Variants in SLC39A11 observed in about 807,000 individuals in gnomAD.
SLC39A11 encodes the protein zinc transporter ZIP11.
A neutral mutation model predicts 36.1 loss-of-function variants in SLC39A11; 33 were observed. The ratio of observed to expected loss-of-function variants is 0.91; its 90% CI spans 0.69 to 1.22. The LOEUF is 1.22. Among genes scored for constraint, SLC39A11 ranks in the 50% most tolerant of loss-of-function variants. SLC39A11 has a pLI of 0.00. For missense variants in SLC39A11, 432 were observed against 430.3 expected (o/e 1.00, Z -0.03); for synonymous variants, 166 against 170.3 (o/e 0.97, Z 0.20).
At chr17:72,707,516 C>T (rs1221270149) in intron 7 of SLC39A11, among the ~76,000 whole-genome samples, 1 of 152,120 alleles carries the variant, frequency 6.6e-6, no homozygotes, top group African/African-American at 2.4e-5. Flanking sequence ...CATGTATAGG[C>T]AGGGAGACAC....
intron 5 of SLC39A11, among the ~76,000 whole-genome samples, chr17:72,866,058 G>C (rs1213576618): frequency 6.6e-6 from 1 of 152,196 alleles, no homozygotes; most frequent in Non-Finnish European, 1.5e-5. Context: ...ATCCGTCCAT[G>C]GCCTGTTAGG....
intron 7 of SLC39A11, among the ~76,000 whole-genome samples, chr17:72,681,914 C>G (rs561498223): frequency 1.3e-5 from 2 of 152,272 alleles, no homozygotes; most frequent in East Asian, 1.9e-4. Context: ...ACAGACCTGA[C>G]CTGGTCCATG....
At position 72,667,195 on chromosome 17, in the gene SLC39A11, C is replaced by A. The variant is rs1354909083; in HGVS notation, c.672-17927G>T. On this transcript the variant is annotated intron_variant, in intron 7 of 9. Coordinates refer to ENST00000255559, the MANE Select transcript of SLC39A11 (RefSeq NM_139177.4). The stretch of plus-strand genomic sequence containing the variant: ...TAGGTGAAGAGGCAGGAGCAAGATG[C>A]AGGAAGTTAATAGCCCTGAAGTCTA... Among the ~76,000 whole-genome samples the A allele has an allele frequency of 2.0e-5, 3 of 152,158 alleles. No homozygotes were observed. In the East Asian group the frequency reaches 5.8e-4, roughly 29 times the overall value.
intron 6 of SLC39A11, among the ~76,000 whole-genome samples, chr17:72,809,936 C>A (rs571417625): frequency 1.4e-4 from 21 of 151,940 alleles, no homozygotes; most frequent in African/African-American, 4.1e-4. Flanking sequence ...CAGGCGTGGG[C>A]ACCTATAATC....
chr17:72,911,201 G>C (rs1440556611), intron 5 of SLC39A11, among the ~76,000 whole-genome samples: 1 of 152,016 alleles, frequency 6.6e-6, no homozygotes, highest in Non-Finnish European at 1.5e-5. Context: ...ACACTCATAG[G>C]TGGGAATTGA....
At chr17:72,789,393 A>G (rs889188246) in intron 6 of SLC39A11, among the ~76,000 whole-genome samples, 2 of 152,210 alleles carry the variant, frequency 1.3e-5, no homozygotes, top group Non-Finnish European at 2.9e-5. Context: ...ATGGAGAAGA[A>G]CAATGGAGGC....
chr17:72,995,052 G>C (rs561917198), intron 4 of SLC39A11, among the ~76,000 whole-genome samples: 3 of 152,252 alleles, frequency 2.0e-5, no homozygotes, highest in East Asian at 3.9e-4. Flanking sequence ...TGGACAGAGA[G>C]TTAGATTATA....
rs550913569 is a variant in SLC39A11, at chr17:72,813,958, G to A, written c.601+35676C>T. Among the ~76,000 whole-genome samples, 17 of 152,282 alleles carry A rather than the reference G, an allele frequency of 1.1e-4. No homozygotes were observed. In the South Asian group the frequency reaches 3.1e-3, roughly 28 times the overall value. The stretch of plus-strand genomic sequence containing the variant: ...GATGGGTTAGGAGGCCATGAGAACC[G>A]CTTTCTTGAGAGAGCTGAGCAAGAT... On this transcript the variant is annotated intron_variant, in intron 6 of 9. Transcript: ENST00000255559.
At chr17:72,950,897 A>G (rs2085811372) in intron 4 of SLC39A11, among the ~76,000 whole-genome samples, 1 of 152,090 alleles carries the variant, frequency 6.6e-6, no homozygotes, top group Admixed American at 6.6e-5. Context: ...CATGCTGCTG[A>G]TATCTCTAGT....
intron 5 of SLC39A11, among the ~76,000 whole-genome samples, chr17:72,899,615 G>C (rs1423626050): frequency 6.6e-6 from 1 of 152,252 alleles, no homozygotes; most frequent in Admixed American, 6.5e-5. Flanking sequence ...AACGAACTGG[G>C]GAAAGGAGAC....
intron 6 of SLC39A11, among the ~76,000 whole-genome samples, chr17:72,754,935 A>G (rs1280314106): frequency 3.3e-5 from 5 of 152,240 alleles, no homozygotes; most frequent in African/African-American, 9.6e-5. Context: ...ATGGCCTTCT[A>G]AACACACAAA....
intron 4 of SLC39A11, among the ~76,000 whole-genome samples, chr17:73,008,163 TTG>T (rs770781511): frequency 0.16 from 6,085 of 37,040 alleles, 282 homozygotes; most frequent in Non-Finnish European, 0.37. Flanking sequence ...TGTTTTTTTT[TTG>T]TTTTTTTTTT....
intron 5 of SLC39A11, among the ~76,000 whole-genome samples, chr17:72,860,817 T>C (rs1258061782): frequency 6.6e-6 from 1 of 152,198 alleles, no homozygotes. Flanking sequence ...TTTCTGCCCA[T>C]ACATGTTCAT....
At chr17:72,925,715 G>A (rs1411965003) in intron 5 of SLC39A11, among the ~76,000 whole-genome samples, 1 of 152,234 alleles carries the variant, frequency 6.6e-6, no homozygotes, top group East Asian at 1.9e-4. Context: ...GTGAATGGAT[G>A]TGAACACTCC....
At chr17:73,013,803 T>C (rs1317271334) in intron 4 of SLC39A11, among the ~76,000 whole-genome samples, 1 of 152,042 alleles carries the variant, frequency 6.6e-6, no homozygotes, top group Non-Finnish European at 1.5e-5. Context: ...CACATCCACA[T>C]GGTTTCAGGA....
At chr17:73,080,296 C>CCAAT (rs1418938387) in intron 3 of SLC39A11, among the ~76,000 whole-genome samples, 1 of 152,104 alleles carries the variant, frequency 6.6e-6, no homozygotes, top group East Asian at 1.9e-4. Context: ...GACATGTAGA[C>CCAAT]CAATGGAATA....
At chr17:72,918,806 G>A (rs1224827818) in intron 5 of SLC39A11, among the ~76,000 whole-genome samples, 1 of 152,208 alleles carries the variant, frequency 6.6e-6, no homozygotes, top group African/African-American at 2.4e-5. Flanking sequence ...GCTCAAGCTT[G>A]TAATCCCAGC....
At chr17:72,957,225 T>G (rs2086295080) in intron 4 of SLC39A11, among the ~76,000 whole-genome samples, 1 of 152,220 alleles carries the variant, frequency 6.6e-6, no homozygotes, top group African/African-American at 2.4e-5. Flanking sequence ...ATTGAAGGGT[T>G]GGATGAATCA....
intron 3 of SLC39A11, among the ~76,000 whole-genome samples, chr17:73,035,041 C>T (rs879931234): frequency 2.0e-5 from 3 of 152,222 alleles, no homozygotes; most frequent in Non-Finnish European, 4.4e-5. Flanking sequence ...CTGCCTCACA[C>T]ACAAACTGGA....
Sources: allele counts gnomAD v4.1 joint callset (sites outside exome capture counted in the v4.1 genomes callset), GRCh38; gene constraint gnomAD v4.1.1; transcripts MANE v1.5; gene names NCBI Gene and HGNC (gene_info 2026-07-23, HGNC 2026-07-21).